Variants in CRYZL1 observed in about 807,000 individuals in gnomAD.
The protein encoded by CRYZL1 is ferry endosomal RAB5 effector complex subunit 4.
A neutral mutation model predicts 50.6 loss-of-function variants in CRYZL1; 34 were observed. The ratio of observed to expected loss-of-function variants is 0.67; its 90% confidence interval spans 0.51 to 0.89. The LOEUF (loss-of-function observed/expected upper bound fraction) is 0.89, where lower values mean the gene tolerates loss of function less well. CRYZL1 is among the 40% of genes least tolerant of loss of function. The probability of loss-of-function intolerance (pLI) is 0.00; values close to 1 mark genes in which losing one functional copy is unlikely to be tolerated. For missense variants in CRYZL1, 354 were observed against 402.3 expected, an observed-to-expected ratio of 0.88 and a Z score of 1.03; for synonymous variants, 125 against 134.3, an observed-to-expected ratio of 0.93 and a Z score of 0.48.
chr21:33,602,213 T>C, intron 8 of CRYZL1, 21 bp downstream of exon 8: 1 of 1,253,644 alleles, frequency 8.0e-7, no homozygotes, highest in Non-Finnish European at 1.2e-6. Context: ...TTTTAAAGTC[T>C]GTGCTCATAA....
At chr21:33,624,818 T>A in intron 2 of CRYZL1, 58 bp from the exon 3 acceptor site, 1 of 1,532,984 alleles carries the variant, frequency 6.5e-7, no homozygotes, top group Non-Finnish European at 8.7e-7. Flanking sequence ...TGAGAATATG[T>A]CTTTATGCTG....
At chr21:33,604,491 T>C (rs2086790757) in intron 6 of CRYZL1, among the ~76,000 whole-genome samples, 1 of 148,186 alleles carries the variant, frequency 6.7e-6, no homozygotes, top group African/African-American at 2.5e-5. Context: ...ATTGCACCAC[T>C]GCACTCCAGC....
chr21:33,629,733 T>G (rs1042161918), intron 2 of CRYZL1, among the ~76,000 whole-genome samples: 1 of 152,232 alleles, frequency 6.6e-6, no homozygotes, highest in Admixed American at 6.5e-5. Context: ...TTCTTTCTCT[T>G]GCCTAATTGC....
At chr21:33,595,517 CTG>C in intron 11 of CRYZL1, 1 of 1,283,760 alleles carries the variant, frequency 7.8e-7, no homozygotes, top group East Asian at 3.0e-5. Flanking sequence ...CTCTGTGCTT[CTG>C]TTTCTTCACC....
chr21:33,610,526 A>G (rs1396812428), intron 6 of CRYZL1, among the ~76,000 whole-genome samples: 1 of 152,102 alleles, frequency 6.6e-6, no homozygotes, highest in African/African-American at 2.4e-5. Flanking sequence ...TTCTCTATAT[A>G]CTTTAATGGA....
Position 33,610,263 on chromosome 21 carries a change from G to A in CRYZL1, c.331+3275C>T, listed in dbSNP as rs116831003. Among the ~76,000 whole-genome samples, 1,428 of 151,886 alleles carry A rather than the reference G, an allele frequency of 9.4e-3. 30 individuals are homozygous for A. The highest frequency in any genetic ancestry group is 0.034 in the African/African-American group (1,388 of 41,430). On this transcript the variant is annotated intron_variant, in intron 6 of 12. Transcript: ENST00000381554. ...TCACCTCTGTCTCCTGGGTTCAAGC[G>A]AGTCTCGTGCCTCATCCTCTTGAGT...
chr21:33,590,866 A>T (rs2086636996), intron 12 of CRYZL1, among the ~76,000 whole-genome samples: 1 of 152,270 alleles, frequency 6.6e-6, no homozygotes, highest in African/African-American at 2.4e-5. Flanking sequence ...TGGAGTGAGG[A>T]AAACTCACAA....
chr21:33,607,487 C>A (rs1394561969), intron 6 of CRYZL1, among the ~76,000 whole-genome samples: 1 of 151,808 alleles, frequency 6.6e-6, no homozygotes, highest in Non-Finnish European at 1.5e-5. Context: ...AAAAAGTTAG[C>A]CAGACATGGT....
chr21:33,634,394 T>A (rs2087177648), intron 1 of CRYZL1, among the ~76,000 whole-genome samples: 1 of 152,320 alleles, frequency 6.6e-6, no homozygotes, highest in Middle Eastern at 3.4e-3. Flanking sequence ...AGGCATGGCC[T>A]GTTCTCTGAC....
At chr21:33,605,527 A>ATTATTTTTTTTTTTTTTTTTTTT (rs1555904645) in intron 6 of CRYZL1, among the ~76,000 whole-genome samples, 1 of 14,838 alleles carries the variant, frequency 6.7e-5, no homozygotes, top group East Asian at 4.2e-3. Flanking sequence ...CAGTACAAGA[A>ATTATTTTTTTTTTTTTTTTTTTT]TTCTTTTTTT....
In CRYZL1 at chr21:33,631,561, A is replaced by T. The variant is rs1463172275; in HGVS notation, c.-6-4T>A. The T allele has an allele frequency of 1.1e-5, 16 of 1,460,230 alleles. No homozygotes were observed. The highest frequency in any genetic ancestry group is 1.5e-5 in the African/African-American group (1 of 68,080). The allele number at this position is 1,460,230 out of a possible 1,614,324, so 90.5% of individuals were successfully genotyped here. ...AATATAAGCCTTTCATAGTCACCTA[A>T]AAATAAATATATATAAATGAAATAA... On this transcript the variant is annotated splice_polypyrimidine_tract_variant and splice_region_variant and intron_variant, in intron 1 of 12. Transcript: ENST00000381554.
rs1227311515 is a variant in CRYZL1 at position 33,631,489 on chromosome 21, T to C, written c.63A>G (p.Glu21=). 4.6e-6 allele frequency: 7 copies of C among 1,519,338 alleles called. No homozygotes were observed. The highest frequency in any genetic ancestry group is 1.4e-5 in the African/African-American group (1 of 69,696). 94.1% of individuals were successfully genotyped at this position (1,519,338 alleles called of 1,614,324 possible). A position where few individuals can be genotyped will look rare whatever the true frequency, so the allele number is the denominator to read the frequency against. ...ATGATTAAACATTTTTTCTTACCTT[T>C]TCTTGAAATACAAATGTTATTTCTT... ...TDEEITFVFQ[E]KEDLPVTEDN... Residue 21 remains glutamate (E), a synonymous_variant, in exon 2 of 13, where the codon GAA becomes GAG. Transcript: ENST00000381554.
At chr21:33,603,319 A>G (rs1367297799) in intron 7 of CRYZL1, 85 bp downstream of exon 7, 3 of 1,512,024 alleles carry the variant, frequency 2.0e-6, no homozygotes, top group African/African-American at 2.8e-5. Context: ...GCAAAGAATT[A>G]TATTAGCAAA....
At chr21:33,623,713 C>T (rs1053947925) in intron 3 of CRYZL1, among the ~76,000 whole-genome samples, 2 of 152,084 alleles carry the variant, frequency 1.3e-5, no homozygotes, top group African/African-American at 2.4e-5. Flanking sequence ...ACATTATAAT[C>T]CAATAAGTTA....
At chr21:33,602,188 CT>C in intron 8 of CRYZL1, 45 bp downstream of exon 8, 1 of 1,070,152 alleles carries the variant, frequency 9.3e-7, no homozygotes, top group Non-Finnish European at 1.4e-6. Context: ...GGTGATTTTC[CT>C]TCAAAATTTC....
intron 6 of CRYZL1, among the ~76,000 whole-genome samples, chr21:33,609,628 TA>T (rs1170604026): frequency 6.6e-6 from 1 of 151,380 alleles, no homozygotes; most frequent in Non-Finnish European, 1.5e-5. Flanking sequence ...TTTTTTTTTT[TA>T]AACAAACTTT....
rs563815186 is a variant in CRYZL1 at position 33,604,576 on chromosome 21, T to C, written c.332-1039A>G. On this transcript the variant is annotated intron_variant, in intron 6 of 12. Coordinates refer to ENST00000381554, the MANE Select transcript of CRYZL1 (RefSeq NM_145858.3). Reference sequence around the variant, plus strand: ...CATATTGCCAAGGCTTTAAACTTTATCTGAATGGAATCATACCATATGCAT... The same window carrying C: ...CATATTGCCAAGGCTTTAAACTTTACCTGAATGGAATCATACCATATGCAT... 2.6e-4 allele frequency among the ~76,000 whole-genome samples: 40 copies of C among 152,110 alleles called. No individual in the cohort carries two copies. The South Asian group carries it at 8.3e-3, about 32-fold the overall frequency.
At chr21:33,634,894 T>C (rs1033473735) in intron 1 of CRYZL1, among the ~76,000 whole-genome samples, 1 of 149,652 alleles carries the variant, frequency 6.7e-6, no homozygotes, top group Non-Finnish European at 1.5e-5. Context: ...TATATATATA[T>C]ATATATATAT....
chr21:33,626,382 A>G (rs2087063479), intron 2 of CRYZL1, among the ~76,000 whole-genome samples: 1 of 152,180 alleles, frequency 6.6e-6, no homozygotes, highest in African/African-American at 2.4e-5. Context: ...ATTATCCCTC[A>G]GATTCCACTT....
Sources: gnomAD v4.1 joint callset for allele counts (sites outside exome capture counted in the v4.1 genomes callset) on GRCh38, gnomAD v4.1.1 for gene constraint, MANE v1.5 for transcripts, NCBI Gene and HGNC (gene_info 2026-07-23, HGNC 2026-07-21) for gene names.